The following KCNH8 variants were observed in gnomAD, a reference collection of about 807,000 sequenced individuals.
KCNH8 encodes potassium voltage-gated channel subfamily H member 8, also known as voltage-gated delayed rectifier potassium channel KCNH8.
KCNH8 carries 70 observed loss-of-function variants against 103.6 expected under a neutral mutation model. The ratio of observed to expected loss-of-function variants is 0.68; its 90% CI spans 0.56 to 0.82. KCNH8 has a LOEUF of 0.82. Ranked by LOEUF, KCNH8 falls within the 40% of genes least tolerant of loss-of-function variation. KCNH8 has a pLI of 0.00. For missense variants in KCNH8, 1,217 were observed against 1,329.9 expected (o/e 0.92, Z 1.32); for synonymous variants, 498 against 489.4 (o/e 1.02, Z -0.23).
rs71055062 is a variant in KCNH8 at position 19,331,249 on chromosome 3, TTTTATTTATTTATTTATTTA to T, written c.443-11319_443-11300del. The stretch of plus-strand genomic sequence containing the variant: ...GAGATGGACTTCTTTCTTTAATTAT[TTTTATTTATTTATTTATTTA>T]TTTATTTATTTATTTATTGTTGTTA... On this transcript the variant is annotated intron_variant, in intron 3 of 15. Transcript: ENST00000328405. Among the ~76,000 whole-genome samples, 1,353 of 144,604 alleles carry T rather than the reference TTTTATTTATTTATTTATTTA, an allele frequency of 9.4e-3. 10 individuals carry two copies. Among genetic ancestry groups the T allele is most frequent in the Non-Finnish European group, 0.013 (869 of 66,278 alleles). The allele number at this position is 144,604 out of a possible 152,430, so 94.9% of individuals were successfully genotyped here.
At chr3:19,309,051 A>G (rs1012871709) in intron 3 of KCNH8, among the ~76,000 whole-genome samples, 1 of 151,834 alleles carries the variant, frequency 6.6e-6, no homozygotes, top group African/African-American at 2.4e-5. Context: ...GAATGTGACA[A>G]TAAGATTAAA....
intron 11 of KCNH8, among the ~76,000 whole-genome samples, chr3:19,462,217 A>G (rs962742239): frequency 6.6e-6 from 1 of 152,214 alleles, no homozygotes; most frequent in African/African-American, 2.4e-5. Context: ...GAATTGCCAC[A>G]CTGTCTTCCA....
At chr3:19,374,634 C>T (rs529611177) in intron 5 of KCNH8, among the ~76,000 whole-genome samples, 52 of 151,802 alleles carry the variant, frequency 3.4e-4, no homozygotes, top group Admixed American at 1.2e-3. Flanking sequence ...TGTGTGAATT[C>T]GATCCTGTCA....
At chr3:19,524,418 C>T (rs891698012) in intron 15 of KCNH8, among the ~76,000 whole-genome samples, 3 of 151,850 alleles carry the variant, frequency 2.0e-5, no homozygotes, top group Non-Finnish European at 2.9e-5. Flanking sequence ...GTTAATACTA[C>T]GTTTTGTGGA....
rs148342421 is a variant in KCNH8 at position 19,394,299 on chromosome 3, G to A, written c.970-805G>A. Among the ~76,000 whole-genome samples the A allele has an allele frequency of 1.9e-3, 287 of 152,140 alleles. 1 individual carries two copies. Among genetic ancestry groups the A allele is most frequent in the African/African-American group, 6.5e-3 (269 of 41,518 alleles). On this transcript the variant is annotated intron_variant, in intron 6 of 15. Transcript: ENST00000328405. Reference sequence around the variant, plus strand: ...GTTATGTGCACCCCTTATTAATGGTGATATTGACTATTCTGGTCCACACCA... The same window carrying A: ...GTTATGTGCACCCCTTATTAATGGTAATATTGACTATTCTGGTCCACACCA...
At chr3:19,514,616 A>G (rs1462286835) in intron 13 of KCNH8, among the ~76,000 whole-genome samples, 2 of 151,614 alleles carry the variant, frequency 1.3e-5, no homozygotes, top group East Asian at 3.9e-4. Flanking sequence ...TTTCTACAAT[A>G]GACTTTTTTT....
chr3:19,312,473 C>T (rs756646182), intron 3 of KCNH8, among the ~76,000 whole-genome samples: 9 of 151,770 alleles, frequency 5.9e-5, no homozygotes, highest in Non-Finnish European at 1.2e-4. Context: ...TGAGTTTCCT[C>T]GTACATACTC....
intron 15 of KCNH8, among the ~76,000 whole-genome samples, chr3:19,530,591 A>G (rs1327636899): frequency 6.6e-6 from 1 of 152,172 alleles, no homozygotes; most frequent in Non-Finnish European, 1.5e-5. Context: ...GCATTCATAT[A>G]GTTTGCTATG....
chr3:19,368,744 G>A (rs546233648), intron 5 of KCNH8, among the ~76,000 whole-genome samples: 1 of 151,970 alleles, frequency 6.6e-6, no homozygotes, highest in African/African-American at 2.4e-5. Flanking sequence ...ATTGTGTCTT[G>A]GAATTGACTG....
intron 2 of KCNH8, among the ~76,000 whole-genome samples, chr3:19,268,436 G>C (rs2064543727): frequency 1.3e-5 from 2 of 152,090 alleles, no homozygotes; most frequent in Admixed American, 1.3e-4. Context: ...CGGAGAGAAG[G>C]CCAGTTTAGC....
intron 11 of KCNH8, among the ~76,000 whole-genome samples, chr3:19,493,575 C>CA (rs1476123120): frequency 1.3e-4 from 20 of 152,214 alleles, no homozygotes; most frequent in Admixed American, 3.3e-4. Flanking sequence ...AACTGTGAGT[C>CA]AATTATACCC....
chr3:19,245,546 G>A (rs1051051445), intron 1 of KCNH8, among the ~76,000 whole-genome samples: 5 of 152,158 alleles, frequency 3.3e-5, no homozygotes, highest in African/African-American at 1.2e-4. Context: ...AATTCTTTTT[G>A]ATGGTATGGA....
rs563591052 is a variant in KCNH8 at position 19,206,363 on chromosome 3, C to T, written c.77-47291C>T. Among the ~76,000 whole-genome samples, 9 of 151,428 alleles carry T rather than the reference C, an allele frequency of 5.9e-5. 2 individuals carry two copies. The South Asian group carries it at 1.9e-3, about 32-fold the overall frequency. ...CATTTGCAAATTGTGCTGCTATAAA[C>T]GTGTGTGCAAGTATCTGGCCTGCAA... On this transcript the variant is annotated intron_variant, in intron 1 of 15. Transcript: ENST00000328405.
intron 7 of KCNH8, among the ~76,000 whole-genome samples, chr3:19,430,903 C>A (rs1184413745): frequency 6.6e-6 from 1 of 152,158 alleles, no homozygotes; most frequent in Non-Finnish European, 1.5e-5. Context: ...ATGGGGTTTT[C>A]TAGATATAGA....
At chr3:19,432,268 T>C (rs2067134581) in intron 7 of KCNH8, among the ~76,000 whole-genome samples, 2 of 152,164 alleles carry the variant, frequency 1.3e-5, no homozygotes, top group South Asian at 4.1e-4. Flanking sequence ...CCAGGGAAAC[T>C]TGAGATTCCT....
chr3:19,374,392 T>C (rs1448097023), intron 5 of KCNH8, among the ~76,000 whole-genome samples: 1 of 151,814 alleles, frequency 6.6e-6, no homozygotes, highest in African/African-American at 2.4e-5. Flanking sequence ...TTGATCTTTG[T>C]TGGTTTAAAG....
chr3:19,367,436 AAT>A (rs891386197), intron 5 of KCNH8, among the ~76,000 whole-genome samples: 44 of 146,004 alleles, frequency 3.0e-4, no homozygotes, highest in African/African-American at 3.5e-4. Context: ...TATATATCAT[AAT>A]ATATATATAT....
chr3:19,325,630 A>G (rs761205368), intron 3 of KCNH8, among the ~76,000 whole-genome samples: 86 of 152,208 alleles, frequency 5.7e-4, no homozygotes, highest in Non-Finnish European at 9.7e-4. Flanking sequence ...CAAAGCCACA[A>G]TGAGATAGCA....
intron 3 of KCNH8, among the ~76,000 whole-genome samples, chr3:19,285,018 T>C (rs1246873722): frequency 1.3e-5 from 2 of 151,844 alleles, no homozygotes; most frequent in Non-Finnish European, 2.9e-5. Flanking sequence ...GGGGAAGGAT[T>C]AAGAAAAACA....
Sources: allele counts gnomAD v4.1 joint callset (sites outside exome capture counted in the v4.1 genomes callset), GRCh38; gene constraint gnomAD v4.1.1; transcripts MANE v1.5; gene names NCBI Gene and HGNC (gene_info 2026-07-23, HGNC 2026-07-21).